ESR1: variants seen among roughly 807,000 people sequenced by gnomAD.
ESR1 encodes the protein estrogen receptor.
A neutral mutation model predicts 52.7 loss-of-function variants in ESR1; 12 were observed. The observed-to-expected ratio is 0.23, with a 90% confidence interval of 0.15 to 0.37. The LOEUF (loss-of-function observed/expected upper bound fraction) is 0.37. Ranked by LOEUF, ESR1 falls within the 10% of genes least tolerant of loss-of-function variation. ESR1 has a pLI of 1.00. For missense variants in ESR1, 584 were observed against 779.7 expected (o/e 0.75, Z 2.99); for synonymous variants, 305 against 316.8 (o/e 0.96, Z 0.39).
chr6:151,943,659 A>G (rs896501327), intron 3 of ESR1, among the ~76,000 whole-genome samples: 2 of 152,216 alleles, frequency 1.3e-5, no homozygotes, highest in Non-Finnish European at 2.9e-5. Flanking sequence ...TTGCCCATTA[A>G]GAAGTCTACT....
chr6:151,945,556 G>A (rs2035602299), intron 4 of ESR1, among the ~76,000 whole-genome samples: 1 of 152,156 alleles, frequency 6.6e-6, no homozygotes, highest in Admixed American at 6.5e-5. Flanking sequence ...CTGCCCCAGT[G>A]TATTCGTTCA....
intron 2 of ESR1, among the ~76,000 whole-genome samples, chr6:151,782,709 C>T (rs1480812464): frequency 1.3e-5 from 2 of 152,136 alleles, no homozygotes; most frequent in Non-Finnish European, 2.9e-5. Context: ...GGTATTATGG[C>T]TCTCCTCCAG....
At position 151,880,854 on chromosome 6, in the gene ESR1, G is replaced by A. The variant is rs561270168; in HGVS notation, c.760+83G>A. 75 of 752,772 alleles carry A rather than the reference G, an allele frequency of 1.0e-4. 1 individual carries two copies. In the South Asian group the frequency reaches 1.1e-3, roughly 11 times the overall value. The allele number at this position is 752,772 out of a possible 1,614,324, so 46.6% of individuals were successfully genotyped here. A position where few individuals can be genotyped will look rare whatever the true frequency, so the allele number is the denominator to read the frequency against. The stretch of plus-strand genomic sequence containing the variant: ...GCTCTACCCATTGGAATAACACCAT[G>A]GGAATTTTGTGTTTTTTTCTTTTAA... On this transcript the variant is annotated intron_variant, in intron 3 of 7. Transcript: ENST00000206249.
chr6:151,679,868 C>CT (rs1778390533), intron 1 of ESR1, among the ~76,000 whole-genome samples: 1 of 152,196 alleles, frequency 6.6e-6, no homozygotes, highest in Non-Finnish European at 1.5e-5. Flanking sequence ...CTTGTTTCCT[C>CT]TGAGTCTTCA....
At position 152,098,328 on chromosome 6, in the gene ESR1, C is replaced by T. The variant is rs567996280; in HGVS notation, c.1554-404C>T. Among the ~76,000 whole-genome samples, 1 of 152,006 alleles carries T rather than the reference C, an allele frequency of 6.6e-6. No individual in the cohort carries two copies. The highest frequency in any genetic ancestry group is 1.9e-4 in the East Asian group (1 of 5,144). On this transcript the variant is annotated intron_variant, in intron 7 of 7. Coordinates refer to ENST00000206249, the MANE Select transcript of ESR1 (RefSeq NM_000125.4). This position sits in a 1 kb window ranked among gnomAD's most constrained non-coding sequence, Gnocchi z 5.1. ...TACTCATTTAAAATACCCACTCCTG[C>T]TTGGCTGAATATCTCATGTTGTCTT...
chr6:151,672,698 C>T (rs1474787235), intron 1 of ESR1, among the ~76,000 whole-genome samples: 1 of 149,802 alleles, frequency 6.7e-6, no homozygotes, highest in Non-Finnish European at 1.5e-5. Flanking sequence ...GTCTTGAACT[C>T]CTGACCTCAG....
At chr6:152,078,619 GT>G (rs1329106548) in intron 6 of ESR1, among the ~76,000 whole-genome samples, 3 of 152,288 alleles carry the variant, frequency 2.0e-5, no homozygotes, top group African/African-American at 7.2e-5. Context: ...ACTGGGACTG[GT>G]TGGACAGTGG....
chr6:151,689,695 G>A (rs939250283), upstream of ESR1, among the ~76,000 whole-genome samples: 1 of 152,174 alleles, frequency 6.6e-6, no homozygotes, highest in African/African-American at 2.4e-5. Flanking sequence ...GCAAGAGGGA[G>A]ATCCTGCCTC....
chr6:151,744,079 G>C (rs181666003), intron 2 of ESR1, among the ~76,000 whole-genome samples: 1 of 152,208 alleles, frequency 6.6e-6, no homozygotes, highest in Admixed American at 6.5e-5. Context: ...GCATGTGTCA[G>C]CACCTCATTT....
At chr6:152,074,877 G>C in intron 6 of ESR1, among the ~76,000 whole-genome samples, 1 of 152,170 alleles carries the variant, frequency 6.6e-6, no homozygotes, top group Non-Finnish European at 1.5e-5. Flanking sequence ...TTTGCCATCT[G>C]TGTGTCTTCT....
chr6:152,047,019 G>A (rs2982734), intron 5 of ESR1, among the ~76,000 whole-genome samples: 67,640 of 151,956 alleles, frequency 0.45, 17,356 homozygotes, highest in African/African-American at 0.7. Flanking sequence ...AACACTTTAA[G>A]TTTTTCTCTT....
At chr6:151,878,504 G>T (rs942589489) in intron 2 of ESR1, among the ~76,000 whole-genome samples, 5 of 152,130 alleles carry the variant, frequency 3.3e-5, no homozygotes, top group African/African-American at 1.2e-4. Context: ...GTTTTATGAG[G>T]CCAGCATTTC....
chr6:152,050,179 C>G (rs891475786), intron 5 of ESR1, among the ~76,000 whole-genome samples: 1 of 152,206 alleles, frequency 6.6e-6, no homozygotes, highest in African/African-American at 2.4e-5. Flanking sequence ...AATCATACTT[C>G]CCAGCTTCTT....
chr6:151,771,494 GT>G (rs1161915171), intron 2 of ESR1, among the ~76,000 whole-genome samples: 1 of 152,156 alleles, frequency 6.6e-6, no homozygotes, highest in African/African-American at 2.4e-5. Flanking sequence ...TGTTCATGTA[GT>G]TACACCTTTT....
At chr6:151,744,155 T>C (rs1031705419) in intron 2 of ESR1, among the ~76,000 whole-genome samples, 1 of 152,212 alleles carries the variant, frequency 6.6e-6, no homozygotes, top group South Asian at 2.1e-4. Flanking sequence ...CTCATTAGCT[T>C]GTACACAACT....
Position 151,944,268 on chromosome 6 carries a change from A to C in ESR1, c.856A>C (p.Met286Leu). The C allele has an allele frequency of 6.2e-7, 1 of 1,614,176 alleles. No individual in the cohort carries two copies. The highest frequency in any genetic ancestry group is 8.5e-7 in the Non-Finnish European group (1 of 1,180,006). ...GRGEVGSAGDMRAANLWPSPL... is the reference protein window; with the variant it reads ...GRGEVGSAGDLRAANLWPSPL... Reference sequence around the variant, plus strand: ...GGGTGAAGTGGGGTCTGCTGGAGACATGAGAGCTGCCAACCTTTGGCCAAG... The same window carrying C: ...GGGTGAAGTGGGGTCTGCTGGAGACCTGAGAGCTGCCAACCTTTGGCCAAG... Residue 286 changes from methionine to leucine, a missense_variant, in exon 4 of 8, where the codon ATG (methionine) becomes CTG (leucine). Around this residue, in one of 6 missense-constraint regions of ESR1, gnomAD observed 88 missense variants for 88.3 expected, o/e 1.00. Coordinates refer to ENST00000206249, the MANE Select transcript of ESR1 (RefSeq NM_000125.4).
At chr6:152,002,404 A>C (rs138407600) in intron 4 of ESR1, among the ~76,000 whole-genome samples, 8 of 152,142 alleles carry the variant, frequency 5.3e-5, no homozygotes, top group Middle Eastern at 6.8e-3. Flanking sequence ...TACCAGGAGC[A>C]TACAGTTATC....
chr6:152,090,894 A>T (rs2050129318), intron 6 of ESR1, among the ~76,000 whole-genome samples: 1 of 152,210 alleles, frequency 6.6e-6, no homozygotes. Flanking sequence ...TGGCTACAAG[A>T]TCCAGATTGC....
chr6:151,744,072 T>G (rs1272428312), intron 2 of ESR1, among the ~76,000 whole-genome samples: 4 of 152,244 alleles, frequency 2.6e-5, no homozygotes, highest in Admixed American at 2.6e-4. Context: ...TATTGCAGCA[T>G]GTGTCAGCAC....
Sources: allele counts gnomAD v4.1 joint callset (sites outside exome capture counted in the v4.1 genomes callset), GRCh38; gene constraint gnomAD v4.1.1; regional missense constraint gnomAD v4.1.1; non-coding constraint Gnocchi (gnomAD v3.1); transcripts MANE v1.5; gene names NCBI Gene and HGNC (gene_info 2026-07-23, HGNC 2026-07-21).